The following IQCH variants were observed in gnomAD, a reference collection of about 807,000 sequenced individuals.
IQCH encodes the protein IQ motif containing H, also known as IQ domain-containing protein H.
In IQCH, 98 loss-of-function variants were observed where a neutral mutation model predicts 117.0. The ratio of observed to expected loss-of-function variants is 0.84; its 90% CI spans 0.71 to 0.99. The LOEUF (loss-of-function observed/expected upper bound fraction) is 0.99. Among genes scored for constraint, IQCH ranks in the 50% least tolerant of loss-of-function variants. The probability of loss-of-function intolerance (pLI) is 0.00; values close to 1 mark genes in which losing one functional copy is unlikely to be tolerated. For synonymous variants in IQCH, 412 were observed against 448.2 expected, an observed-to-expected ratio of 0.92 and a Z score of 1.02; for missense variants, 1,102 against 1,243.8, an observed-to-expected ratio of 0.89 and a Z score of 1.72.
At chr15:67,446,924 C>G (rs983266477) in intron 16 of IQCH, among the ~76,000 whole-genome samples, 16 of 152,326 alleles carry the variant, frequency 1.1e-4, no homozygotes, top group African/African-American at 3.6e-4. Flanking sequence ...TCACAGCTCT[C>G]TGGCAATTGG....
At chr15:67,289,078 A>G (rs1165525596) in intron 4 of IQCH, among the ~76,000 whole-genome samples, 2 of 152,126 alleles carry the variant, frequency 1.3e-5, no homozygotes, top group Non-Finnish European at 2.9e-5. Flanking sequence ...AAATGTAGAC[A>G]GTATTGTTTG....
Position 67,395,769 on chromosome 15 carries a change from T to C in IQCH, c.1905+206T>C, listed in dbSNP as rs529529854. On this transcript the variant is annotated intron_variant, in intron 13 of 20. Coordinates refer to ENST00000335894, the MANE Select transcript of IQCH (RefSeq NM_001031715.3). This position sits in a 1 kb window ranked among gnomAD's most constrained non-coding sequence, Gnocchi z 4.0. ...TGGAGTCTCACTCTGTCATCCAGGC[T>C]GGAGGGCAGTGGTGTGATCTTGGCT... Among the ~76,000 whole-genome samples, 2 of 151,736 alleles carry C rather than the reference T, an allele frequency of 1.3e-5. No individual in the cohort carries two copies. Among genetic ancestry groups the C allele is most frequent in the South Asian group, 4.2e-4 (2 of 4,806 alleles).
At position 67,293,606 on chromosome 15, in the gene IQCH, C is replaced by T. The variant is rs530243777; in HGVS notation, c.387+14094C>T. On this transcript the variant is annotated intron_variant, in intron 4 of 20. Transcript: ENST00000335894. Reference sequence around the variant, plus strand: ...CAGATACATTTTTTAAAAAATATTTCGAATTCACCGTTGATTGAATTCATG... The same window carrying T: ...CAGATACATTTTTTAAAAAATATTTTGAATTCACCGTTGATTGAATTCATG... Among the ~76,000 whole-genome samples, 8 of 152,198 alleles carry T rather than the reference C, an allele frequency of 5.3e-5. No homozygotes were observed. The South Asian group carries it at 6.2e-4, about 12-fold the overall frequency.
rs144897737 is a variant in IQCH at position 67,390,511 on chromosome 15, C to T, written c.1632+1505C>T. Among the ~76,000 whole-genome samples, 1 of 151,888 alleles carries T rather than the reference C, an allele frequency of 6.6e-6. No homozygotes were observed. Among genetic ancestry groups the T allele is most frequent in the Non-Finnish European group, 1.5e-5 (1 of 67,916 alleles). Reference sequence around the variant, plus strand: ...TTTCTTTTTTTCTTTTTTTTTGAGACAGAGTCTCACTCTGTTGCCCAGGCT... The same window carrying T: ...TTTCTTTTTTTCTTTTTTTTTGAGATAGAGTCTCACTCTGTTGCCCAGGCT... On this transcript the variant is annotated intron_variant, in intron 12 of 20. Coordinates refer to ENST00000335894, the MANE Select transcript of IQCH (RefSeq NM_001031715.3). This position sits in a 1 kb window ranked among gnomAD's most constrained non-coding sequence, Gnocchi z 5.0.
chr15:67,288,034 A>G (rs754872555), intron 4 of IQCH, among the ~76,000 whole-genome samples: 1 of 152,052 alleles, frequency 6.6e-6, no homozygotes, highest in Non-Finnish European at 1.5e-5. Context: ...TTTACTTTCC[A>G]TGTATTTATG....
intron 4 of IQCH, among the ~76,000 whole-genome samples, chr15:67,280,838 T>G (rs535261490): frequency 4.3e-4 from 16 of 37,584 alleles, no homozygotes; most frequent in Admixed American, 8.6e-4. Flanking sequence ...GAAGGAGGTG[T>G]TATTATTATT....
chr15:67,440,397 C>T (rs1436610535), intron 16 of IQCH, among the ~76,000 whole-genome samples: 1 of 152,082 alleles, frequency 6.6e-6, no homozygotes, highest in African/African-American at 2.4e-5. Context: ...ATACCAAAAC[C>T]AGGAAAGGAC....
At chr15:67,355,710 G>A (rs1969865852) in intron 6 of IQCH, among the ~76,000 whole-genome samples, 1 of 152,142 alleles carries the variant, frequency 6.6e-6, no homozygotes, top group Non-Finnish European at 1.5e-5. Context: ...TTCCAGCAGG[G>A]AAATTGAGTA....
intron 4 of IQCH, among the ~76,000 whole-genome samples, chr15:67,308,608 A>T (rs1353463210): frequency 6.6e-6 from 1 of 152,120 alleles, no homozygotes; most frequent in Non-Finnish European, 1.5e-5. Context: ...AGAGTTTTTG[A>T]CAAAGGAGTG....
In IQCH at chr15:67,372,325, A is replaced by G; in HGVS notation, c.968A>G (p.Asn323Ser). The G allele has an allele frequency of 1.2e-6, 2 of 1,614,088 alleles. No individual in the cohort carries two copies. The highest frequency in any genetic ancestry group is 4.5e-5 in the East Asian group (2 of 44,874). Residue 323 changes from asparagine to serine, a missense_variant, in exon 9 of 21, where the codon AAT becomes AGT. Physicochemically the swap from Asn to Ser is conservative, Grantham distance 46. This residue lies in a region of IQCH where 452 missense variants were observed against 449.6 expected (regional missense o/e 1.01). Transcript: ENST00000335894. ...CCAGAAGTCAAAATAAAAGGGAATA[A>G]TTTGGTGGCCCTCCTTCCAGAGTTT... is the stretch of plus-strand genomic sequence containing the variant. ...AIPEVKIKGN[N>S]LVALLPEFEL...
Position 67,376,462 on chromosome 15 carries a change from G to A in IQCH, c.1372+3029G>A, listed in dbSNP as rs1186166934. Among the ~76,000 whole-genome samples, 3 of 152,166 alleles carry A rather than the reference G, an allele frequency of 2.0e-5. No individual in the cohort carries two copies. Among genetic ancestry groups the A allele is most frequent in the Non-Finnish European group, 4.4e-5 (3 of 68,026 alleles). ...TGGTAGGATTGTCTGGTTCAGGTAG[G>A]CATTTAACACAAGTTGCAGCCTTGT... On this transcript the variant is annotated intron_variant, in intron 10 of 20. Coordinates refer to ENST00000335894, the MANE Select transcript of IQCH (RefSeq NM_001031715.3). The surrounding 1 kb of genome is among the most constrained non-coding windows in gnomAD (Gnocchi z 5.0).
At chr15:67,321,696 C>G (rs1968142302) in intron 4 of IQCH, among the ~76,000 whole-genome samples, 1 of 151,870 alleles carries the variant, frequency 6.6e-6, no homozygotes, top group African/African-American at 2.4e-5. Context: ...GGTGCCTTGG[C>G]TTTTATCAGA....
chr15:67,276,096 T>C (rs370967055), intron 3 of IQCH, among the ~76,000 whole-genome samples: 96 of 152,304 alleles, frequency 6.3e-4, no homozygotes, highest in African/African-American at 2.2e-3. Context: ...AAAACTGATA[T>C]TGAAGAAATT....
At chr15:67,261,971 C>G (rs749137914) in intron 2 of IQCH, among the ~76,000 whole-genome samples, 6 of 152,086 alleles carry the variant, frequency 3.9e-5, no homozygotes, top group Non-Finnish European at 8.8e-5. Context: ...CGCCTGTAGT[C>G]CCAGCTACTC....
chr15:67,491,203 C>T lies in IQCH; in HGVS notation c.2861+1139C>T, dbSNP rs967268966. ...GTGGCCTCAGTCCCTCCCTCCCCAA[C>T]CTCCCCTACACCCTACTATGGTCAG... is the stretch of plus-strand genomic sequence containing the variant. On this transcript the variant is annotated intron_variant, in intron 19 of 20. Coordinates refer to ENST00000335894, the MANE Select transcript of IQCH (RefSeq NM_001031715.3). The surrounding 1 kb of genome is among the most constrained non-coding windows in gnomAD (Gnocchi z 4.9). Among the ~76,000 whole-genome samples, 3 of 152,118 alleles carry T rather than the reference C, an allele frequency of 2.0e-5. No individual in the cohort carries two copies. The highest frequency in any genetic ancestry group is 7.2e-5 in the African/African-American group (3 of 41,412).
chr15:67,450,265 T>C (rs1336673098), intron 16 of IQCH, among the ~76,000 whole-genome samples: 2 of 152,224 alleles, frequency 1.3e-5, no homozygotes, highest in Admixed American at 1.3e-4. Flanking sequence ...CTATGTTGAA[T>C]AGGAGTGGTG....
Position 67,365,606 on chromosome 15 carries a change from G to A in IQCH, c.753+5721G>A, listed in dbSNP as rs1257441416. 2.6e-5 allele frequency among the ~76,000 whole-genome samples: 4 copies of A among 152,128 alleles called. No homozygotes were observed. The highest frequency in any genetic ancestry group is 2.1e-4 in the South Asian group (1 of 4,820). On this transcript the variant is annotated intron_variant, in intron 8 of 20. Transcript: ENST00000335894. This position sits in a 1 kb window ranked among gnomAD's most constrained non-coding sequence, Gnocchi z 4.4. ...TATAATATCAAAGAGTGAGATAAGT[G>A]CTATGAAGAAAAATAAACCAGAATA... is the stretch of plus-strand genomic sequence containing the variant.
chr15:67,474,229 G>A lies in IQCH; in HGVS notation c.2677-1467G>A, dbSNP rs1400652885. On this transcript the variant is annotated intron_variant, in intron 17 of 20. Transcript: ENST00000335894. This position sits in a 1 kb window ranked among gnomAD's most constrained non-coding sequence, Gnocchi z 4.1. ...AGCCAGAGGCCTGATTATAATGCAT[G>A]TCAGGTCACTACGATTCCTTACGGC... Among the ~76,000 whole-genome samples the A allele has an allele frequency of 6.6e-6, 1 of 152,118 alleles. No homozygotes were observed. The highest frequency in any genetic ancestry group is 1.5e-5 in the Non-Finnish European group (1 of 68,026).
At chr15:67,308,565 T>G (rs1032383617) in intron 4 of IQCH, among the ~76,000 whole-genome samples, 20 of 152,110 alleles carry the variant, frequency 1.3e-4, no homozygotes, top group African/African-American at 2.4e-4. Context: ...CTCCTATCAT[T>G]TAAAGTGAGC....
Sources: gnomAD v4.1 joint callset for allele counts (sites outside exome capture counted in the v4.1 genomes callset) on GRCh38, gnomAD v4.1.1 for gene constraint, gnomAD v4.1.1 regional missense constraint, Gnocchi (gnomAD v3.1) non-coding constraint, MANE v1.5 for transcripts, NCBI Gene and HGNC (gene_info 2026-07-23, HGNC 2026-07-21) for gene names.